TMTC1: variants seen among roughly 807,000 people sequenced by gnomAD.
TMTC1 encodes transmembrane O-mannosyltransferase targeting cadherins 1.
TMTC1 carries 73 observed loss-of-function variants against 104.8 expected under a neutral mutation model. The observed-to-expected ratio is 0.70, with a 90% confidence interval of 0.58 to 0.85. The LOEUF is 0.85. Ranked by LOEUF, TMTC1 falls within the 40% of genes least tolerant of loss-of-function variation. The pLI is 0.00. For synonymous variants in TMTC1, 434 were observed against 428.7 expected, an observed-to-expected ratio of 1.01 and a Z score of -0.15; for missense variants, 1,035 against 1,096.1, an observed-to-expected ratio of 0.94 and a Z score of 0.79.
intron 17 of TMTC1, among the ~76,000 whole-genome samples, chr12:29,509,515 GAT>G (rs1943776520): frequency 6.6e-6 from 1 of 152,142 alleles, no homozygotes; most frequent in Non-Finnish European, 1.5e-5. Context: ...AACAATGCCC[GAT>G]GCACACATGA....
chr12:29,612,313 A>G (rs1245555998), intron 6 of TMTC1, among the ~76,000 whole-genome samples: 1 of 152,218 alleles, frequency 6.6e-6, no homozygotes, highest in Non-Finnish European at 1.5e-5. Context: ...CTCTACAGGG[A>G]TGCAACAGGA....
At chr12:29,720,487 A>T (rs903353858) in intron 5 of TMTC1, among the ~76,000 whole-genome samples, 3 of 152,226 alleles carry the variant, frequency 2.0e-5, no homozygotes, top group African/African-American at 7.2e-5. Context: ...ATATAAACAA[A>T]AAGTACCTCT....
At position 29,506,846 on chromosome 12, in the gene TMTC1, CTA is replaced by C. The variant is rs1565631107; in HGVS notation, c.2647_2648del (p.Ter883AlafsTer9). The stretch of plus-strand genomic sequence containing the variant: ...TATGAGGTTGGGTCAGACGGTGGTG[CTA>C]TGTTTGATCCTTTTCTCGAACTTCT... ...LQEVREKDQT[*>X] On this transcript the variant is annotated frameshift_variant and stop_lost, in exon 18 of 18. Coordinates refer to ENST00000539277, the MANE Select transcript of TMTC1 (RefSeq NM_001193451.2). LOFTEE classifies it high-confidence loss of function. 1 of 1,613,992 alleles carries C rather than the reference CTA, an allele frequency of 6.2e-7. No individual in the cohort carries two copies. The highest frequency in any genetic ancestry group is 1.3e-5 in the African/African-American group (1 of 75,022).
Position 29,709,562 on chromosome 12 carries a change from G to GA in TMTC1, c.938+42103dup, listed in dbSNP as rs535911318. On this transcript the variant is annotated intron_variant, in intron 5 of 17. Transcript: ENST00000539277. ...ACAAGTACATTCAGATAAAAATTTT[G>GA]AAAAAAAAAATTCACAGATTTTCTA... Among the ~76,000 whole-genome samples the GA allele has an allele frequency of 1.7e-3, 254 of 147,724 alleles. 2 individuals carry two copies. Among genetic ancestry groups the GA allele is most frequent in the Non-Finnish European group, 3.1e-3 (209 of 66,724 alleles).
intron 3 of TMTC1, 141 bp downstream of exon 3, chr12:29,758,561 CAG>C (rs1943269362): frequency 2.4e-6 from 2 of 822,974 alleles, no homozygotes; most frequent in Admixed American, 2.0e-5. Context: ...ACTGGACAAG[CAG>C]AGAGTTTCCT....
At chr12:29,632,653 T>C (rs888722670) in intron 6 of TMTC1, among the ~76,000 whole-genome samples, 1 of 152,218 alleles carries the variant, frequency 6.6e-6, no homozygotes, top group East Asian at 1.9e-4. Flanking sequence ...GTCTCAGGTA[T>C]GTCCTTATAG....
At chr12:29,578,882 T>C (rs975386110) in intron 8 of TMTC1, among the ~76,000 whole-genome samples, 3 of 152,188 alleles carry the variant, frequency 2.0e-5, no homozygotes, top group Non-Finnish European at 4.4e-5. Flanking sequence ...TGACCTGAGA[T>C]TTTATAATGC....
chr12:29,777,373 C>A (rs1217847162), intron 1 of TMTC1, among the ~76,000 whole-genome samples: 1 of 152,070 alleles, frequency 6.6e-6, no homozygotes, highest in Non-Finnish European at 1.5e-5. Context: ...AATTACAGGG[C>A]ATGAGCCACC....
At chr12:29,523,451 G>C (rs1944242124) in intron 11 of TMTC1, among the ~76,000 whole-genome samples, 1 of 152,226 alleles carries the variant, frequency 6.6e-6, no homozygotes, top group Non-Finnish European at 1.5e-5. Flanking sequence ...ATTGGTAGGA[G>C]AGAAATAGGC....
chr12:29,714,661 C>T (rs1384521950), intron 5 of TMTC1, among the ~76,000 whole-genome samples: 1 of 152,220 alleles, frequency 6.6e-6, no homozygotes, highest in Non-Finnish European at 1.5e-5. Context: ...GGGGTACCCC[C>T]CCTGGATTTG....
At chr12:29,626,327 G>A (rs1480419955) in intron 6 of TMTC1, among the ~76,000 whole-genome samples, 2 of 152,082 alleles carry the variant, frequency 1.3e-5, no homozygotes, top group Non-Finnish European at 2.9e-5. Flanking sequence ...AAGTAAAAGG[G>A]AGATAAAGAA....
At chr12:29,673,352 G>A (rs741614) in intron 5 of TMTC1, among the ~76,000 whole-genome samples, 1 of 152,092 alleles carries the variant, frequency 6.6e-6, no homozygotes, top group African/African-American at 2.4e-5. Flanking sequence ...CTGTCATTCA[G>A]ATAACTGTCA....
chr12:29,552,348 T>C (rs921385338), intron 10 of TMTC1, among the ~76,000 whole-genome samples: 33 of 152,240 alleles, frequency 2.2e-4, no homozygotes, highest in African/African-American at 7.2e-4. Context: ...TATGTTTTAA[T>C]ATTAATCACA....
intron 7 of TMTC1, among the ~76,000 whole-genome samples, chr12:29,595,298 G>A (rs926477788): frequency 1.3e-5 from 2 of 152,156 alleles, no homozygotes; most frequent in African/African-American, 2.4e-5. Flanking sequence ...AAGCACAACT[G>A]ACTGAGCACA....
intron 5 of TMTC1, among the ~76,000 whole-genome samples, chr12:29,655,309 A>AT (rs766187083): frequency 6.6e-6 from 1 of 152,186 alleles, no homozygotes; most frequent in Non-Finnish European, 1.5e-5. Flanking sequence ...AAAAATTGGG[A>AT]TTTTTGTAGT....
At chr12:29,766,982 C>T (rs1382012906) in intron 2 of TMTC1, among the ~76,000 whole-genome samples, 1 of 150,910 alleles carries the variant, frequency 6.6e-6, no homozygotes, top group Non-Finnish European at 1.5e-5. Flanking sequence ...TAGAGTCTCA[C>T]TCTGTTGCCC....
chr12:29,613,821 G>T, intron 6 of TMTC1: 1 of 379,746 alleles, frequency 2.6e-6, no homozygotes, highest in Non-Finnish European at 3.6e-6. Context: ...CATCCCTCGG[G>T]CAAAGTCTTC....
chr12:29,702,911 G>A (rs150376922), intron 5 of TMTC1, among the ~76,000 whole-genome samples: 1,741 of 152,270 alleles, frequency 0.011, 14 homozygotes, highest in Non-Finnish European at 0.017. Flanking sequence ...TTGGGAGGCC[G>A]AGGCAGGTGG....
intron 17 of TMTC1, among the ~76,000 whole-genome samples, chr12:29,509,437 T>G (rs1943774050): frequency 6.6e-6 from 1 of 152,312 alleles, no homozygotes; most frequent in South Asian, 2.1e-4. Context: ...CTCTCAACCT[T>G]GCTGGAGCTC....
Sources: gnomAD v4.1 joint callset for allele counts (sites outside exome capture counted in the v4.1 genomes callset) on GRCh38, gnomAD v4.1.1 for gene constraint, MANE v1.5 for transcripts, NCBI Gene and HGNC (gene_info 2026-07-23, HGNC 2026-07-21) for gene names.